The following SLC39A9 variants were observed in gnomAD, a reference collection of about 807,000 sequenced individuals.
The protein encoded by SLC39A9 is solute carrier family 39 member 9.
A neutral mutation model predicts 28.4 loss-of-function variants in SLC39A9; 14 were observed. The observed-to-expected ratio is 0.49, with a 90% confidence interval of 0.33 to 0.77. SLC39A9 has a LOEUF of 0.77. SLC39A9 is among the 30% of genes least tolerant of loss of function. SLC39A9 has a pLI of 0.02. For synonymous variants in SLC39A9, 119 were observed against 149.6 expected (o/e 0.80, Z 1.49); for missense variants, 283 against 381.1 (o/e 0.74, Z 2.14).
At chr14:69,440,227 C>T (rs761197595) in intron 2 of SLC39A9, among the ~76,000 whole-genome samples, 2 of 152,070 alleles carry the variant, frequency 1.3e-5, no homozygotes, top group Non-Finnish European at 2.9e-5. Context: ...CACAGGGTTG[C>T]AGTGAGCCGA....
At chr14:69,411,737 C>T (rs559178015) in intron 1 of SLC39A9, among the ~76,000 whole-genome samples, 5 of 151,878 alleles carry the variant, frequency 3.3e-5, no homozygotes, top group South Asian at 2.1e-4. Context: ...ACAATTCTAG[C>T]GCTTAAAATA....
chr14:69,429,723 C>A (rs1328572961), intron 2 of SLC39A9, among the ~76,000 whole-genome samples: 1 of 152,122 alleles, frequency 6.6e-6, no homozygotes, highest in African/African-American at 2.4e-5. Context: ...AGAATACTTG[C>A]AAGTAGGATT....
In SLC39A9 at chr14:69,461,133, G is replaced by T; in HGVS notation, c.*2540G>T. On this transcript the variant is annotated 3_prime_UTR_variant, in exon 7 of 7. Coordinates refer to ENST00000336643, the MANE Select transcript of SLC39A9 (RefSeq NM_018375.5). The stretch of plus-strand genomic sequence containing the variant: ...TACTTAAGTTGCTGCCATGATTACA[G>T]ATGGAATTATTGGCTACCAAAGAGA... 5 of 987,098 alleles carry T rather than the reference G, an allele frequency of 5.1e-6. No individual in the cohort carries two copies. The highest frequency in any genetic ancestry group is 6.0e-6 in the Non-Finnish European group (5 of 831,050). 61.1% of individuals were successfully genotyped at this position (987,098 alleles called of 1,614,324 possible).
At chr14:69,428,230 T>C (rs1884300046) in intron 2 of SLC39A9, among the ~76,000 whole-genome samples, 1 of 151,698 alleles carries the variant, frequency 6.6e-6, no homozygotes, top group Non-Finnish European at 1.5e-5. Flanking sequence ...TGAGCCGAGA[T>C]TGTGCCATGC....
At position 69,458,976 on chromosome 14, in the gene SLC39A9, C is replaced by T. The variant is rs1885995744; in HGVS notation, c.*383C>T. 1.0e-6 allele frequency: 1 copy of T among 999,032 alleles called. No individual in the cohort carries two copies. The highest frequency in any genetic ancestry group is 5.5e-5 in the Admixed American group (1 of 18,090). 61.9% of individuals were successfully genotyped at this position (999,032 alleles called of 1,614,324 possible). A position where few individuals can be genotyped will look rare whatever the true frequency, so the allele number is the denominator to read the frequency against. ...TTCTGTAATTAAGCTATGTCTCTTT[C>T]TTCTTAGTTTAGAGGCTCTGCTACT... is the stretch of plus-strand genomic sequence containing the variant. On this transcript the variant is annotated 3_prime_UTR_variant, in exon 7 of 7. Coordinates refer to ENST00000336643, the MANE Select transcript of SLC39A9 (RefSeq NM_018375.5).
At chr14:69,443,128 G>A (rs917543703) in intron 3 of SLC39A9, among the ~76,000 whole-genome samples, 16 of 152,112 alleles carry the variant, frequency 1.1e-4, no homozygotes, top group Non-Finnish European at 2.4e-4. Context: ...TAATAAAAAA[G>A]GATTCTGATA....
chr14:69,402,258 G>A (rs1882679946), intron 1 of SLC39A9, among the ~76,000 whole-genome samples: 1 of 151,824 alleles, frequency 6.6e-6, no homozygotes, highest in Admixed American at 6.6e-5. Flanking sequence ...AACTCATAAT[G>A]TTTTAAGAAA....
At chr14:69,416,103 T>C (rs1883566495) in intron 1 of SLC39A9, among the ~76,000 whole-genome samples, 1 of 151,558 alleles carries the variant, frequency 6.6e-6, no homozygotes, top group Non-Finnish European at 1.5e-5. Context: ...TGGTGTGTGA[T>C]GTTCCCCACC....
At chr14:69,453,655 A>C (rs1885723849) in intron 4 of SLC39A9, among the ~76,000 whole-genome samples, 1 of 152,244 alleles carries the variant, frequency 6.6e-6, no homozygotes, top group Admixed American at 6.5e-5. Context: ...TGATTAGGGA[A>C]AAATGAGAGT....
At position 69,461,858 on chromosome 14, in the gene SLC39A9, AC is replaced by A; in HGVS notation, c.*3267del. 1.0e-6 allele frequency: 1 copy of A among 996,970 alleles called. No homozygotes were observed. The highest frequency in any genetic ancestry group is 1.4e-6 in the Non-Finnish European group (1 of 693,462). 61.8% of individuals were successfully genotyped at this position (996,970 alleles called of 1,614,324 possible). ...GCCCCTTGGGAGACTGAGAATCATG[AC>A]CAGATTCATCCAGAACTGCTGCAGT... On this transcript the variant is annotated 3_prime_UTR_variant, in exon 7 of 7. Transcript: ENST00000336643.
intron 2 of SLC39A9, among the ~76,000 whole-genome samples, chr14:69,439,081 G>A (rs1884918952): frequency 6.6e-6 from 1 of 152,164 alleles, no homozygotes; most frequent in South Asian, 2.1e-4. Context: ...AACAAATGCA[G>A]TTAAGTTGCA....
At chr14:69,454,970 T>G in intron 5 of SLC39A9, 73 bp downstream of exon 5, 1 of 1,143,494 alleles carries the variant, frequency 8.7e-7, no homozygotes, top group Admixed American at 2.0e-5. Context: ...TCCTTAATGT[T>G]TTTCCTGGAA....
intron 2 of SLC39A9, among the ~76,000 whole-genome samples, chr14:69,437,684 G>A (rs1045693761): frequency 1.3e-5 from 2 of 151,644 alleles, no homozygotes; most frequent in Non-Finnish European, 2.9e-5. Flanking sequence ...CCACCTCCCG[G>A]GTTCAAGCAG....
chr14:69,429,972 A>G (rs532476689), intron 2 of SLC39A9, among the ~76,000 whole-genome samples: 11 of 152,290 alleles, frequency 7.2e-5, no homozygotes, highest in African/African-American at 2.6e-4. Flanking sequence ...GATGCTGAAC[A>G]TCTTTTCATA....
At chr14:69,407,302 CCCTTCCTT>C (rs774804877) in intron 1 of SLC39A9, among the ~76,000 whole-genome samples, 1,638 of 143,934 alleles carry the variant, frequency 0.011, 42 homozygotes, top group African/African-American at 0.04. Context: ...TCCCTTCCTT[CCCTTCCTT>C]CCTTCCTTCC....
At chr14:69,414,107 G>A (rs1883439195) in intron 1 of SLC39A9, among the ~76,000 whole-genome samples, 1 of 147,914 alleles carries the variant, frequency 6.8e-6, no homozygotes, top group Non-Finnish European at 1.5e-5. Context: ...CTGGAGTGCA[G>A]TGGCACAGTC....
intron 1 of SLC39A9, among the ~76,000 whole-genome samples, chr14:69,423,579 A>G (rs1478826447): frequency 6.6e-6 from 1 of 152,088 alleles, no homozygotes; most frequent in Non-Finnish European, 1.5e-5. Context: ...ATTTTCCCAA[A>G]TCATTGTTAA....
chr14:69,429,676 C>T (rs930846023), intron 2 of SLC39A9, among the ~76,000 whole-genome samples: 2 of 152,156 alleles, frequency 1.3e-5, no homozygotes, highest in South Asian at 4.1e-4. Context: ...TGAGATTGTG[C>T]CACTGCACTC....
intron 6 of SLC39A9, 87 bp downstream of exon 6, chr14:69,455,953 A>T: frequency 6.8e-7 from 1 of 1,475,728 alleles, no homozygotes; most frequent in Non-Finnish European, 9.2e-7. Context: ...TTTCCAATAC[A>T]TTACTCTCTC....
Sources: allele counts gnomAD v4.1 joint callset (sites outside exome capture counted in the v4.1 genomes callset), GRCh38; gene constraint gnomAD v4.1.1; transcripts MANE v1.5; gene names NCBI Gene and HGNC (gene_info 2026-07-23, HGNC 2026-07-21).